Variants in DAB1 observed in about 807,000 individuals in gnomAD.
The protein encoded by DAB1 is DAB adaptor protein 1.
DAB1 carries 15 observed loss-of-function variants against 64.6 expected under a neutral mutation model. The observed-to-expected ratio is 0.23, with a 90% CI of 0.16 to 0.36. The LOEUF is 0.36. Among genes scored for constraint, DAB1 ranks in the 10% least tolerant of loss-of-function variants. The pLI is 1.00. For synonymous variants in DAB1, 235 were observed against 251.9 expected, an observed-to-expected ratio of 0.93 and a Z score of 0.64; for missense variants, 596 against 706.7, an observed-to-expected ratio of 0.84 and a Z score of 1.78.
chr1:58,296,217 G>GAA (rs1178186308), intron 4 of DAB1, among the ~76,000 whole-genome samples: 1 of 146,412 alleles, frequency 6.8e-6, no homozygotes, highest in Non-Finnish European at 1.5e-5. Context: ...AAGAAAGAAA[G>GAA]AAAGAAAGAA....
chr1:58,405,131 A>C (rs546042628), intron 3 of DAB1, among the ~76,000 whole-genome samples: 1 of 152,186 alleles, frequency 6.6e-6, no homozygotes, highest in African/African-American at 2.4e-5. Flanking sequence ...GATTCCTCAG[A>C]CACATCAAGC....
rs944954882 is a variant in DAB1 at position 58,342,999 on chromosome 1, C to T, written n.309+353G>A. 6.6e-5 allele frequency among the ~76,000 whole-genome samples: 10 copies of T among 152,296 alleles called. No homozygotes were observed. The South Asian group carries it at 1.0e-3, about 16-fold the overall frequency. ...TGTTCATGCCTCCTTTGCTTATAGG[C>T]TTATGTCCAAACTTCTTATCTTGCC... On this transcript the variant is annotated intron_variant and non_coding_transcript_variant, in intron 4 of 20. Coordinates refer to the DAB1 transcript ENST00000485760.
At chr1:57,652,392 AC>A (rs1646267265) in intron 6 of DAB1, among the ~76,000 whole-genome samples, 1 of 151,844 alleles carries the variant, frequency 6.6e-6, no homozygotes, top group African/African-American at 2.4e-5. Flanking sequence ...CCCCCAAACT[AC>A]CTTTGAAAAA....
At chr1:57,945,910 C>T (rs1205135813) in intron 5 of DAB1, among the ~76,000 whole-genome samples, 1 of 152,138 alleles carries the variant, frequency 6.6e-6, no homozygotes, top group African/African-American at 2.4e-5. Context: ...AACGAAAAGA[C>T]AAATGTTAAA....
rs763213115 is a variant in DAB1, at chr1:57,071,073, T to C, written c.559-12A>G. The stretch of plus-strand genomic sequence containing the variant: ...TCTTCCAATATTGTCTATTGCAGAG[T>C]AAGGAGAGGGAGGGTGAAAAGCAGA... On this transcript the variant is annotated splice_polypyrimidine_tract_variant and intron_variant, in intron 6 of 14. Transcript: ENST00000371236. 2 of 1,610,348 alleles carry C rather than the reference T, an allele frequency of 1.2e-6. No individual in the cohort carries two copies. Among genetic ancestry groups the C allele is most frequent in the Admixed American group, 1.7e-5 (1 of 59,904 alleles).
intron 12 of DAB1, among the ~76,000 whole-genome samples, chr1:57,012,485 G>A (rs1250988756): frequency 2.0e-5 from 3 of 152,198 alleles, no homozygotes; most frequent in African/African-American, 7.2e-5. Flanking sequence ...ACAGAGCTCT[G>A]TCTGACACTA....
rs149267282 is a variant in DAB1 at position 58,164,431 on chromosome 1, A to C, written n.310-13843T>G. Among the ~76,000 whole-genome samples, 69 of 152,288 alleles carry C rather than the reference A, an allele frequency of 4.5e-4. 1 individual carries two copies. The highest frequency in any genetic ancestry group is 1.5e-3 in the African/African-American group (64 of 41,556). On this transcript the variant is annotated intron_variant and non_coding_transcript_variant, in intron 4 of 20. Coordinates refer to the DAB1 transcript ENST00000485760. ...AATAGCTGATGGTATTTCTTCAAAA[A>C]CATCTCTCTGATCTGAAGTATAGAT...
intron 7 of DAB1, among the ~76,000 whole-genome samples, chr1:57,619,695 C>T (rs1425613180): frequency 6.6e-6 from 1 of 152,094 alleles, no homozygotes; most frequent in Non-Finnish European, 1.5e-5. Flanking sequence ...AGTCAGGGCC[C>T]CTATTTTATA....
chr1:57,466,594 C>T (rs1045372305), intron 7 of DAB1, among the ~76,000 whole-genome samples: 2 of 152,172 alleles, frequency 1.3e-5, no homozygotes, highest in Non-Finnish European at 2.9e-5. Flanking sequence ...CACAGTTCTG[C>T]AAGTTAGAAG....
intron 2 of DAB1, among the ~76,000 whole-genome samples, chr1:57,177,630 C>T (rs1052028868): frequency 2.0e-5 from 3 of 152,152 alleles, no homozygotes; most frequent in African/African-American, 4.8e-5. Flanking sequence ...TAATAAGTTA[C>T]GGAAACTACT....
chr1:58,272,483 CA>C (rs1661329248), intron 4 of DAB1, among the ~76,000 whole-genome samples: 4 of 110,532 alleles, frequency 3.6e-5, no homozygotes, highest in Middle Eastern at 7.9e-3. Flanking sequence ...GTGTGGTGCT[CA>C]AAAAAATGTA....
At chr1:57,251,922 C>T (rs1384428446) in intron 2 of DAB1, among the ~76,000 whole-genome samples, 1 of 152,166 alleles carries the variant, frequency 6.6e-6, no homozygotes, top group Non-Finnish European at 1.5e-5. Flanking sequence ...CCAGCACACA[C>T]ACCCCATAAA....
intron 2 of DAB1, among the ~76,000 whole-genome samples, chr1:57,279,051 G>A (rs757703507): frequency 1.3e-4 from 20 of 152,190 alleles, no homozygotes; most frequent in Non-Finnish European, 2.8e-4. Flanking sequence ...AGGTGAACTA[G>A]GCTGATGATA....
At chr1:57,035,833 C>CTTTTTTTTTTT (rs35389635) in intron 9 of DAB1, among the ~76,000 whole-genome samples, 1 of 61,886 alleles carries the variant, frequency 1.6e-5, no homozygotes, top group Non-Finnish European at 3.1e-5. Context: ...CGCACATGCA[C>CTTTTTTTTTTT]TTTTTTTTTT....
intron 3 of DAB1, among the ~76,000 whole-genome samples, chr1:58,362,672 G>C (rs1413467171): frequency 6.6e-6 from 1 of 152,154 alleles, no homozygotes; most frequent in East Asian, 1.9e-4. Context: ...CTCCCAGAAG[G>C]GGCAATGCAT....
At chr1:58,296,423 A>G (rs1352445073) in intron 4 of DAB1, among the ~76,000 whole-genome samples, 3 of 152,128 alleles carry the variant, frequency 2.0e-5, no homozygotes, top group Admixed American at 6.6e-5. Flanking sequence ...CAAACATCAA[A>G]CAACAGGAGG....
intron 3 of DAB1, among the ~76,000 whole-genome samples, chr1:58,450,551 G>A (rs532701933): frequency 3.3e-5 from 5 of 152,204 alleles, no homozygotes; most frequent in East Asian, 1.9e-4. Flanking sequence ...TCAGGTGATC[G>A]AGACCATCCT....
chr1:57,750,588 A>G (rs1223564265), intron 6 of DAB1, among the ~76,000 whole-genome samples: 2 of 152,200 alleles, frequency 1.3e-5, no homozygotes, highest in East Asian at 3.9e-4. Context: ...TATTTAATAA[A>G]TAGTAGTTGA....
intron 5 of DAB1, among the ~76,000 whole-genome samples, chr1:58,033,999 A>T (rs1413532119): frequency 6.6e-6 from 1 of 152,170 alleles, no homozygotes; most frequent in African/African-American, 2.4e-5. Context: ...TGATCTTGCC[A>T]CCTGGTATTT....
Sources: gnomAD v4.1 joint callset for allele counts (sites outside exome capture counted in the v4.1 genomes callset) on GRCh38, gnomAD v4.1.1 for gene constraint, MANE v1.5 for transcripts, NCBI Gene and HGNC (gene_info 2026-07-23, HGNC 2026-07-21) for gene names.